The following DNMT3A variants were observed in gnomAD, a reference collection of about 807,000 sequenced individuals.
The protein encoded by DNMT3A is DNA methyltransferase 3 alpha.
Under a neutral mutation model 117.6 loss-of-function variants are expected in DNMT3A, and 267 were observed. The observed-to-expected ratio is 2.27, with a 90% CI of 2.05 to 2.51. The LOEUF (loss-of-function observed/expected upper bound fraction) is 2.51, where lower values mean the gene tolerates loss of function less well. Ranked by LOEUF, DNMT3A falls within the 30% of genes most tolerant of loss-of-function variation. DNMT3A has a pLI of 0.00. For missense variants in DNMT3A, 1,029 were observed against 1,260.2 expected (o/e 0.82, Z 2.78); for synonymous variants, 432 against 474.8 (o/e 0.91, Z 1.17).
chr2:25,293,064 A>T lies in DNMT3A; in HGVS notation c.177+7075T>A, dbSNP rs988070119. 1.3e-5 allele frequency among the ~76,000 whole-genome samples: 2 copies of T among 151,474 alleles called. No individual in the cohort carries two copies. Among genetic ancestry groups the T allele is most frequent in the Non-Finnish European group, 2.9e-5 (2 of 67,946 alleles). ...TCTACTTAAATGCTCCCCAAGTAAG[A>T]CCAGCTATGTAAGGTGGCCTTGACA... On this transcript the variant is annotated intron_variant, in intron 3 of 22. Transcript: ENST00000321117. This position sits in a 1 kb window ranked among gnomAD's most constrained non-coding sequence, Gnocchi z 4.7.
intron 20 of DNMT3A, among the ~76,000 whole-genome samples, chr2:25,238,275 C>T (rs1021867689): frequency 2.0e-5 from 3 of 152,112 alleles, no homozygotes; most frequent in Admixed American, 6.5e-5. Context: ...AACAAGCCCT[C>T]GATAGCAACT....
intron 2 of DNMT3A, among the ~76,000 whole-genome samples, chr2:25,307,359 G>T (rs1216282624): frequency 6.6e-6 from 1 of 150,910 alleles, no homozygotes; most frequent in Non-Finnish European, 1.5e-5. Flanking sequence ...CCCAGCCAGG[G>T]TTTCACCATG....
chr2:25,311,786 C>T lies in DNMT3A; in HGVS notation c.72+2127G>A, dbSNP rs1197646890. ...GGCTGGAGTCACTATCCCCATTTTC[C>T]AGCTGAGCAAACACAAGCCCAGATG... On this transcript the variant is annotated intron_variant, in intron 2 of 22. Transcript: ENST00000321117. This position sits in a 1 kb window ranked among gnomAD's most constrained non-coding sequence, Gnocchi z 5.2. Among the ~76,000 whole-genome samples the T allele has an allele frequency of 1.3e-5, 2 of 152,170 alleles. No individual in the cohort carries two copies. Among genetic ancestry groups the T allele is most frequent in the East Asian group, 3.8e-4 (2 of 5,200 alleles).
At chr2:25,326,003 A>G (rs2034770742) in intron 1 of DNMT3A, among the ~76,000 whole-genome samples, 1 of 152,198 alleles carries the variant, frequency 6.6e-6, no homozygotes, top group Non-Finnish European at 1.5e-5. Context: ...AGAATGGGAT[A>G]AGAAGACAAT....
In DNMT3A at chr2:25,230,273, G is replaced by C. The variant is rs1324132544; in HGVS notation, c.*4006C>G. On this transcript the variant is annotated 3_prime_UTR_variant, in exon 23 of 23. Transcript: ENST00000321117. The stretch of plus-strand genomic sequence containing the variant: ...CAGTCTGCCGGTGCACCAGCCTGTC[G>C]CTCCCGTGGGGCGGGGGGTTAGTAC... 2.0e-5 allele frequency: 3 copies of C among 152,470 alleles called. No individual in the cohort carries two copies. The East Asian group carries it at 5.8e-4, about 29-fold the overall frequency. 9.4% of individuals were successfully genotyped at this position (152,470 alleles called of 1,614,324 possible).
rs1558722351 is a variant in DNMT3A at position 25,300,688 on chromosome 2, T to TCTAAATA, written c.73-446_73-445insTATTTAG. On this transcript the variant is annotated intron_variant, in intron 2 of 22. Transcript: ENST00000321117. ...TATTATTTAGATATATATTTAGATA[T>TCTAAATA]ATATTTATATATCTAAATAATATAA... 2.4e-3 allele frequency among the ~76,000 whole-genome samples: 192 copies of TCTAAATA among 80,080 alleles called. 15 individuals carry two copies. Among genetic ancestry groups the TCTAAATA allele is most frequent in the African/African-American group, 8.2e-3 (171 of 20,828 alleles). The allele number at this position is 80,080 out of a possible 152,430, so 52.5% of individuals were successfully genotyped here. A position where few individuals can be genotyped will look rare whatever the true frequency, so the allele number is the denominator to read the frequency against.
rs1344209433 is a variant in DNMT3A at position 25,327,077 on chromosome 2, G to C, written c.-177-12916C>G. Among the ~76,000 whole-genome samples, 1 of 152,176 alleles carries C rather than the reference G, an allele frequency of 6.6e-6. No individual in the cohort carries two copies. The highest frequency in any genetic ancestry group is 1.5e-5 in the Non-Finnish European group (1 of 68,046). ...GCCACACCCTCTCCATCAAGGTGTG[G>C]ATCTCAACCCTGCGGGGCCTCTTCC... On this transcript the variant is annotated intron_variant, in intron 1 of 22. Transcript: ENST00000321117. The surrounding 1 kb of genome is among the most constrained non-coding windows in gnomAD (Gnocchi z 4.1).
rs1467630297 is a variant in DNMT3A, at chr2:25,234,602, T to C, written c.2598-182A>G. ...GTTCTGCCGAATCTTCTGTCCTTTATAAACAACCCGGCACTCAGATCACCA... is the reference window on the plus strand; with the variant it reads ...GTTCTGCCGAATCTTCTGTCCTTTACAAACAACCCGGCACTCAGATCACCA... On this transcript the variant is annotated intron_variant, in intron 22 of 22. Transcript: ENST00000321117. The surrounding 1 kb of genome is among the most constrained non-coding windows in gnomAD (Gnocchi z 4.5). Among the ~76,000 whole-genome samples the C allele has an allele frequency of 6.6e-6, 1 of 152,224 alleles. No individual in the cohort carries two copies. The highest frequency in any genetic ancestry group is 2.4e-5 in the African/African-American group (1 of 41,462).
rs149043640 is a variant in DNMT3A, at chr2:25,240,430, A to C, written c.2194T>G (p.Phe732Val). ...GLYEGTGRLF[F>V]EFYRLLHDAR... ...TCATGCAGGAGGCGGTAGAACTCAA[A>C]GAAGAGCCGGCCAGTGCCCTCTGAG... is the stretch of plus-strand genomic sequence containing the variant. The change falls in exon 19 of 23, where the codon TTT (phenylalanine) becomes GTT (valine). Residue 732 changes from phenylalanine to valine, a missense_variant. Phe to Val is a conservative substitution (Grantham distance 50). Coordinates refer to ENST00000321117, the MANE Select transcript of DNMT3A (RefSeq NM_022552.5). 3 of 1,610,910 alleles carry C rather than the reference A, an allele frequency of 1.9e-6. No homozygotes were observed. The highest frequency in any genetic ancestry group is 2.5e-6 in the Non-Finnish European group (3 of 1,178,350).
At chr2:25,321,754 C>A (rs987328160) in intron 1 of DNMT3A, among the ~76,000 whole-genome samples, 1 of 152,166 alleles carries the variant, frequency 6.6e-6, no homozygotes, top group African/African-American at 2.4e-5. Context: ...AGTGTGGTGG[C>A]ACATGCCTGT....
chr2:25,309,868 A>G (rs1398513086), intron 2 of DNMT3A, among the ~76,000 whole-genome samples: 1 of 152,024 alleles, frequency 6.6e-6, no homozygotes, highest in African/African-American at 2.4e-5. Flanking sequence ...GCTGGCTAAC[A>G]TGGTGAAACC....
chr2:25,320,733 G>C (rs571583871), intron 1 of DNMT3A, among the ~76,000 whole-genome samples: 2 of 152,218 alleles, frequency 1.3e-5, no homozygotes, highest in South Asian at 2.1e-4. Context: ...AATAAACACT[G>C]TGTGTAGGTT....
intron 3 of DNMT3A, among the ~76,000 whole-genome samples, chr2:25,288,546 A>C (rs1358994902): frequency 1.3e-5 from 2 of 151,258 alleles, no homozygotes; most frequent in African/African-American, 4.9e-5. Context: ...TTCTGACTTC[A>C]TGATCCACCC....
intron 6 of DNMT3A, among the ~76,000 whole-genome samples, chr2:25,273,268 G>A (rs1032577094): frequency 2.6e-5 from 4 of 151,998 alleles, no homozygotes; most frequent in Non-Finnish European, 4.4e-5. Flanking sequence ...GAGCCACCAC[G>A]CCTGGCTAAT....
At chr2:25,288,145 C>CT (rs1284088460) in intron 3 of DNMT3A, among the ~76,000 whole-genome samples, 2 of 144,264 alleles carry the variant, frequency 1.4e-5, no homozygotes, top group Non-Finnish European at 3.1e-5. Context: ...TTAAGAAACA[C>CT]TTTTTTTGGC....
At position 25,282,526 on chromosome 2, in the gene DNMT3A, TG is replaced by T; in HGVS notation, c.362del (p.Ala121GlufsTer41). 2 of 1,613,442 alleles carry T rather than the reference TG, an allele frequency of 1.2e-6. No individual in the cohort carries two copies. The highest frequency in any genetic ancestry group is 4.5e-5 in the East Asian group (2 of 44,866). ...TTGAGGCTTCAGGCAGGGTCTCAGCTGCACCCTCTCCCTCTGCTGGGGCCCC... is the reference window on the plus strand; with the variant it reads ...TTGAGGCTTCAGGCAGGGTCTCAGCTCACCCTCTCCCTCTGCTGGGGCCCC... ...KGGAPAEGEG[A>X]AETLPEASRA... On this transcript the variant is annotated frameshift_variant, in exon 4 of 23. Transcript: ENST00000321117. LOFTEE classifies it high-confidence loss of function. The surrounding 1 kb of genome is among the most constrained non-coding windows in gnomAD (Gnocchi z 5.2).
intron 3 of DNMT3A, among the ~76,000 whole-genome samples, chr2:25,284,999 A>G (rs2032192128): frequency 6.6e-6 from 1 of 152,224 alleles, no homozygotes; most frequent in Admixed American, 6.5e-5. Context: ...AAATGTATGC[A>G]TGCCGTTCCC....
At chr2:25,299,503 T>G (rs2033295454) in intron 3 of DNMT3A, among the ~76,000 whole-genome samples, 1 of 152,212 alleles carries the variant, frequency 6.6e-6, no homozygotes, top group African/African-American at 2.4e-5. Flanking sequence ...TAGTCCAGCC[T>G]GGGATTCTGG....
At chr2:25,240,850 A>T in intron 17 of DNMT3A, 120 bp from the exon 18 acceptor site, 2 of 944,966 alleles carry the variant, frequency 2.1e-6, no homozygotes, top group South Asian at 3.1e-5. Flanking sequence ...GAGGAGACCC[A>T]GCTGCTCTGC....
Sources: gnomAD v4.1 joint callset for allele counts (sites outside exome capture counted in the v4.1 genomes callset) on GRCh38, gnomAD v4.1.1 for gene constraint, Gnocchi (gnomAD v3.1) non-coding constraint, MANE v1.5 for transcripts, NCBI Gene and HGNC (gene_info 2026-07-23, HGNC 2026-07-21) for gene names.